The following ZNF277 variants were observed in gnomAD, a reference collection of about 807,000 sequenced individuals.
ZNF277 encodes nuclear receptor-interacting factor 4.
In ZNF277, 55 loss-of-function variants were observed where a neutral mutation model predicts 60.7. The ratio of observed to expected loss-of-function variants is 0.91; its 90% CI spans 0.73 to 1.13. The LOEUF is 1.13. ZNF277 is among the 50% of genes most tolerant of loss of function. The pLI, the probability that ZNF277 is intolerant of heterozygous loss-of-function variation, is 0.00. For missense variants in ZNF277, 510 were observed against 523.0 expected, an observed-to-expected ratio of 0.98 and a Z score of 0.24; for synonymous variants, 178 against 179.3, an observed-to-expected ratio of 0.99 and a Z score of 0.06.
intron 1 of ZNF277, among the ~76,000 whole-genome samples, chr7:112,286,584 G>A (rs1013817423): frequency 1.3e-5 from 2 of 152,148 alleles, no homozygotes; most frequent in African/African-American, 2.4e-5. Context: ...ATTGGCCAGT[G>A]TCCAAGAAGA....
rs1480257675 is a variant in ZNF277, at chr7:112,295,934, GAATT to G, written c.364_367del (p.Asn122ProfsTer33). The G allele has an allele frequency of 6.2e-7, 1 of 1,612,074 alleles. No homozygotes were observed. The highest frequency in any genetic ancestry group is 1.7e-5 in the Admixed American group (1 of 59,986). ...ATCACAGATTTTTGTAGTGTAATAA[GAATT>G]AATTCCACTGCTCCATTTGGTAAGT... On this transcript the variant is annotated frameshift_variant, in exon 3 of 12. Transcript: ENST00000361822. LOFTEE classifies it high-confidence loss of function.
chr7:112,214,970 A>G (rs1444704681), intron 1 of ZNF277, among the ~76,000 whole-genome samples: 1 of 152,130 alleles, frequency 6.6e-6, no homozygotes, highest in Non-Finnish European at 1.5e-5. Flanking sequence ...GAAAAAAAAA[A>G]TGATGTTGAT....
At position 112,341,005 on chromosome 7, in the gene ZNF277, C is replaced by T. The variant is rs747951579; in HGVS notation, c.1143C>T (p.His381=). 11 of 1,604,106 alleles carry T rather than the reference C, an allele frequency of 6.9e-6. No homozygotes were observed. Among genetic ancestry groups the T allele is most frequent in the Non-Finnish European group, 9.3e-6 (11 of 1,176,584 alleles). The change falls in exon 11 of 12, where the codon CAC becomes CAT. Residue 381 remains histidine (H), a synonymous_variant. Coordinates refer to ENST00000361822, the MANE Select transcript of ZNF277 (RefSeq NM_021994.3). Reference sequence around the variant, plus strand: ...GAACTCACATGGAAGAAACTAAACACACTTCGCTGCTCCCCGATAGAAAGA... The same window carrying T: ...GAACTCACATGGAAGAAACTAAACATACTTCGCTGCTCCCCGATAGAAAGA... The part of the protein sequence containing the change: ...DLRTHMEETK[H]TSLLPDRKTW...
intron 1 of ZNF277, among the ~76,000 whole-genome samples, chr7:112,237,987 A>G (rs1398109865): frequency 6.6e-6 from 1 of 152,204 alleles, no homozygotes; most frequent in Non-Finnish European, 1.5e-5. Context: ...CACCACCTGC[A>G]GAGGAGGCTG....
At chr7:112,296,203 T>A (rs1240912599) in intron 3 of ZNF277, 26 bp from the exon 4 acceptor site, 1 of 1,468,090 alleles carries the variant, frequency 6.8e-7, no homozygotes, top group South Asian at 1.2e-5. Flanking sequence ...TCTGTTTTCT[T>A]ATTTGTTTTC....
rs1427801986 is a variant in ZNF277 at position 112,343,807 on chromosome 7, T to C, written c.*1078T>C. Among the ~76,000 whole-genome samples, 1 of 151,834 alleles carries C rather than the reference T, an allele frequency of 6.6e-6. No homozygotes were observed. Among genetic ancestry groups the C allele is most frequent in the African/African-American group, 2.4e-5 (1 of 41,304 alleles). On this transcript the variant is annotated 3_prime_UTR_variant, in exon 12 of 12. Transcript: ENST00000361822. Reference sequence around the variant, plus strand: ...CAGGCATGGTGGAATGCACCTATAGTCCCAGCTACTTGGGAGGCTGAAGCA... The same window carrying C: ...CAGGCATGGTGGAATGCACCTATAGCCCCAGCTACTTGGGAGGCTGAAGCA...
At chr7:112,235,307 C>T (rs538418914) in intron 1 of ZNF277, among the ~76,000 whole-genome samples, 4 of 152,050 alleles carry the variant, frequency 2.6e-5, no homozygotes, top group Non-Finnish European at 5.9e-5. Flanking sequence ...TTCCTATGGT[C>T]ATATAGTAAC....
intron 5 of ZNF277, among the ~76,000 whole-genome samples, chr7:112,321,136 C>T (rs1792972652): frequency 6.6e-6 from 1 of 151,300 alleles, no homozygotes; most frequent in African/African-American, 2.4e-5. Flanking sequence ...TTAGCCAGGA[C>T]AGTCTCGATC....
chr7:112,280,791 A>T (rs1057494262), intron 1 of ZNF277, among the ~76,000 whole-genome samples: 5 of 151,886 alleles, frequency 3.3e-5, no homozygotes, highest in African/African-American at 1.2e-4. Flanking sequence ...ACGCCCGGCT[A>T]ATTTTTTTGT....
chr7:112,337,227 T>G (rs999315290), intron 8 of ZNF277, among the ~76,000 whole-genome samples: 2 of 152,226 alleles, frequency 1.3e-5, no homozygotes, highest in South Asian at 4.1e-4. Flanking sequence ...GTTCCCTGTC[T>G]ACCGCCAGAT....
At chr7:112,323,403 A>G (rs751344669) in intron 5 of ZNF277, among the ~76,000 whole-genome samples, 8 of 152,288 alleles carry the variant, frequency 5.3e-5, no homozygotes, top group African/African-American at 1.4e-4. Context: ...AATTTTTTCA[A>G]TGGGTGGACT....
chr7:112,250,517 T>A (rs746953136), intron 1 of ZNF277, among the ~76,000 whole-genome samples: 20 of 152,206 alleles, frequency 1.3e-4, no homozygotes, highest in Non-Finnish European at 2.5e-4. Context: ...TTTTGCAGTT[T>A]GTGGGGCATC....
intron 2 of ZNF277, among the ~76,000 whole-genome samples, chr7:112,290,565 T>C (rs369864536): frequency 2.6e-5 from 4 of 152,174 alleles, no homozygotes; most frequent in Non-Finnish European, 5.9e-5. Flanking sequence ...AACATGTATT[T>C]GAAATATGGA....
chr7:112,266,584 G>A (rs1008981100), intron 1 of ZNF277, among the ~76,000 whole-genome samples: 1 of 152,158 alleles, frequency 6.6e-6, no homozygotes, highest in Admixed American at 6.5e-5. Context: ...GGTAAGAGCT[G>A]CAGTAGCTTC....
intron 1 of ZNF277, among the ~76,000 whole-genome samples, chr7:112,269,204 TTTTTTG>T (rs1194582190): frequency 3.8e-4 from 22 of 57,764 alleles, no homozygotes; most frequent in African/African-American, 6.4e-4. Flanking sequence ...ACAATGGATT[TTTTTTG>T]TTTTTTTTTT....
intron 1 of ZNF277, among the ~76,000 whole-genome samples, chr7:112,228,025 G>T (rs1822220214): frequency 6.6e-6 from 1 of 151,930 alleles, no homozygotes; most frequent in Non-Finnish European, 1.5e-5. Context: ...CCAAAATCAA[G>T]ATGTCAGCAG....
At chr7:112,293,065 C>G (rs1164562328) in intron 2 of ZNF277, among the ~76,000 whole-genome samples, 1 of 152,150 alleles carries the variant, frequency 6.6e-6, no homozygotes, top group Non-Finnish European at 1.5e-5. Flanking sequence ...TTATTTTGCA[C>G]ATGAATAAAC....
At chr7:112,287,132 T>C (rs1792087768) in intron 2 of ZNF277, 58 bp downstream of exon 2, 3 of 1,572,320 alleles carry the variant, frequency 1.9e-6, no homozygotes, top group Non-Finnish European at 8.7e-7. Flanking sequence ...GTGGCTCATG[T>C]CTGTAATCCT....
In ZNF277 at chr7:112,318,271, C is replaced by G. The variant is rs1176637765; in HGVS notation, c.555C>G (p.Asn185Lys). ...TTTGCAATGAAGAATTCCTTGGAAACAGGTTTGCCATTTTGCATCTTTAAA... is the reference window on the plus strand; with the variant it reads ...TTTGCAATGAAGAATTCCTTGGAAAGAGGTTTGCCATTTTGCATCTTTAAA... ...CMFCNEEFLG[N>K]RSVILNHMAR... is the part of the protein sequence containing the mutation. The change falls in exon 5 of 12, where the codon AAC becomes AAG. Residue 185 changes from asparagine (N) to lysine (K), a missense_variant and splice_region_variant. Physicochemically the swap from Asn to Lys is moderately conservative, Grantham distance 94. Transcript: ENST00000361822. 1 of 1,611,884 alleles carries G rather than the reference C, an allele frequency of 6.2e-7. No homozygotes were observed. Among genetic ancestry groups the G allele is most frequent in the Non-Finnish European group, 8.5e-7 (1 of 1,178,272 alleles).
Sources: allele counts gnomAD v4.1 joint callset (sites outside exome capture counted in the v4.1 genomes callset), GRCh38; gene constraint gnomAD v4.1.1; transcripts MANE v1.5; gene names NCBI Gene and HGNC (gene_info 2026-07-23, HGNC 2026-07-21).